Variants in ZC2HC1A observed in about 807,000 individuals in gnomAD.
ZC2HC1A encodes the protein zinc finger C2HC domain-containing protein 1A.
In ZC2HC1A, 28 loss-of-function variants were observed where a neutral mutation model predicts 40.7. The observed-to-expected ratio is 0.69, with a 90% CI of 0.51 to 0.94. ZC2HC1A has a LOEUF of 0.94. ZC2HC1A is among the 40% of genes least tolerant of loss of function. ZC2HC1A has a pLI of 0.00. For missense variants in ZC2HC1A, 389 were observed against 386.3 expected (o/e 1.01, Z -0.06); for synonymous variants, 129 against 129.2 (o/e 1.00, Z 0.01).
At chr8:78,682,253 G>C (rs1809811720) in intron 3 of ZC2HC1A, among the ~76,000 whole-genome samples, 2 of 152,234 alleles carry the variant, frequency 1.3e-5, no homozygotes, top group South Asian at 4.1e-4. Flanking sequence ...AATACCATAA[G>C]TGCCAGCCAA....
At chr8:78,694,474 A>C (rs1810332242) in intron 5 of ZC2HC1A, among the ~76,000 whole-genome samples, 2 of 152,154 alleles carry the variant, frequency 1.3e-5, no homozygotes, top group South Asian at 4.1e-4. Context: ...ATTTGAAATT[A>C]AATTATTGGC....
intron 1 of ZC2HC1A, among the ~76,000 whole-genome samples, chr8:78,674,852 C>A (rs557990485): frequency 3.9e-5 from 6 of 152,058 alleles, no homozygotes; most frequent in African/African-American, 1.2e-4. Context: ...TTTGTTACTT[C>A]TAAAGAAAAA....
At chr8:78,700,620 A>C (rs1586016125) in intron 7 of ZC2HC1A, among the ~76,000 whole-genome samples, 1 of 152,128 alleles carries the variant, frequency 6.6e-6, no homozygotes. Context: ...GTTGTCTTCC[A>C]GGGTTTTTAT....
Position 78,668,621 on chromosome 8 carries a change from A to T in ZC2HC1A, c.16+2457A>T, listed in dbSNP as rs138847658. Among the ~76,000 whole-genome samples, 3 of 152,266 alleles carry T rather than the reference A, an allele frequency of 2.0e-5. No homozygotes were observed. In the East Asian group the frequency reaches 5.8e-4, roughly 29 times the overall value. The stretch of plus-strand genomic sequence containing the variant: ...TTTATGCTTCTTGAATAGTCAATAG[A>T]TGAGGTATTAGGCTCAAACACTATA... On this transcript the variant is annotated intron_variant, in intron 1 of 8. Transcript: ENST00000263849.
chr8:78,670,846 C>T (rs1037756101), intron 1 of ZC2HC1A, among the ~76,000 whole-genome samples: 2 of 152,048 alleles, frequency 1.3e-5, no homozygotes, highest in African/African-American at 4.8e-5. Context: ...GTCGGGTAGG[C>T]ATTGACTAGG....
chr8:78,692,068 A>G (rs1370743782), intron 5 of ZC2HC1A, among the ~76,000 whole-genome samples: 1 of 152,148 alleles, frequency 6.6e-6, no homozygotes, highest in Non-Finnish European at 1.5e-5. Flanking sequence ...TCTCTTTGCA[A>G]TTTTGAAAGG....
intron 1 of ZC2HC1A, among the ~76,000 whole-genome samples, chr8:78,673,660 T>C (rs940524483): frequency 1.3e-5 from 2 of 152,218 alleles, no homozygotes; most frequent in South Asian, 2.1e-4. Context: ...GTTGTCCAAA[T>C]TGGAGAATTG....
chr8:78,687,198 T>G (rs1810010447), intron 4 of ZC2HC1A, among the ~76,000 whole-genome samples: 1 of 152,026 alleles, frequency 6.6e-6, no homozygotes, highest in Non-Finnish European at 1.5e-5. Flanking sequence ...GTGACAAAGT[T>G]GACACTTTGA....
chr8:78,678,374 G>A (rs1165968324), intron 2 of ZC2HC1A, among the ~76,000 whole-genome samples, 189 bp from the exon 3 acceptor site: 4 of 152,098 alleles, frequency 2.6e-5, no homozygotes, highest in South Asian at 2.1e-4. Flanking sequence ...AACTTAGAGC[G>A]TGCATTATAT....
chr8:78,671,768 A>G (rs1809443456), intron 1 of ZC2HC1A, among the ~76,000 whole-genome samples: 1 of 150,056 alleles, frequency 6.7e-6, no homozygotes, highest in Non-Finnish European at 1.5e-5. Flanking sequence ...TGTGTAGATA[A>G]GTGGAAGTTA....
chr8:78,698,391 A>G (rs759816244), intron 6 of ZC2HC1A, 23 bp from the exon 7 acceptor site: 2 of 1,583,160 alleles, frequency 1.3e-6, no homozygotes, highest in East Asian at 4.5e-5. Flanking sequence ...GTATTGTTAA[A>G]AATAATGCTT....
intron 2 of ZC2HC1A, among the ~76,000 whole-genome samples, chr8:78,677,858 C>A (rs1809632461): frequency 6.6e-6 from 1 of 152,188 alleles, no homozygotes; most frequent in Admixed American, 6.5e-5. Context: ...AGAACGGGTA[C>A]TCCATAGACA....
At chr8:78,667,962 T>TC (rs564456865) in intron 1 of ZC2HC1A, among the ~76,000 whole-genome samples, 105 of 151,786 alleles carry the variant, frequency 6.9e-4, no homozygotes, top group South Asian at 5.0e-3. Context: ...CTTTTAGATT[T>TC]TTTTTTTTTA....
intron 4 of ZC2HC1A, among the ~76,000 whole-genome samples, chr8:78,687,530 ATATATTTATATAATAAATTT>A (rs1810033998): frequency 7.0e-6 from 1 of 142,754 alleles, no homozygotes; most frequent in African/African-American, 2.6e-5. Context: ...ATAATAAATT[ATATATTTATATAATAAATTT>A]TATATTTACA....
intron 2 of ZC2HC1A, among the ~76,000 whole-genome samples, chr8:78,677,430 T>C (rs1429915893): frequency 6.6e-6 from 1 of 151,988 alleles, no homozygotes; most frequent in East Asian, 1.9e-4. Flanking sequence ...ACTGCAAAGT[T>C]TGAGTTCCAG....
intron 3 of ZC2HC1A, among the ~76,000 whole-genome samples, chr8:78,682,397 G>A (rs984415547): frequency 3.3e-5 from 5 of 150,988 alleles, no homozygotes; most frequent in South Asian, 2.1e-4. Flanking sequence ...CCATGTGGCC[G>A]AGGAGGCCTC....
intron 3 of ZC2HC1A, among the ~76,000 whole-genome samples, chr8:78,685,167 A>G (rs1206319799): frequency 6.6e-6 from 1 of 152,182 alleles, no homozygotes; most frequent in African/African-American, 2.4e-5. Flanking sequence ...TCAGAAAGGA[A>G]TTTAGTGATT....
rs901380212 is a variant in ZC2HC1A at position 78,717,579 on chromosome 8, T to C, written c.*86T>C. The stretch of plus-strand genomic sequence containing the variant: ...AGCTAGAGCACATCCTCTAGTTAGT[T>C]TGTGCTAAAAATACTCGAAATACCA... On this transcript the variant is annotated 3_prime_UTR_variant, in exon 9 of 9. Coordinates refer to ENST00000263849, the MANE Select transcript of ZC2HC1A (RefSeq NM_016010.3). 24 of 1,412,946 alleles carry C rather than the reference T, an allele frequency of 1.7e-5. No individual in the cohort carries two copies. The Middle Eastern group carries it at 5.6e-4, about 33-fold the overall frequency. 87.5% of individuals were successfully genotyped at this position (1,412,946 alleles called of 1,614,324 possible).
chr8:78,696,159 TG>T (rs2130535485), intron 5 of ZC2HC1A, among the ~76,000 whole-genome samples: 1 of 152,104 alleles, frequency 6.6e-6, no homozygotes, highest in African/African-American at 2.4e-5. Context: ...CTCAGCCTCC[TG>T]AGTAGCTGGG....
Sources: allele counts gnomAD v4.1 joint callset (sites outside exome capture counted in the v4.1 genomes callset), GRCh38; gene constraint gnomAD v4.1.1; transcripts MANE v1.5; gene names NCBI Gene and HGNC (gene_info 2026-07-23, HGNC 2026-07-21).